CDKAL1: variants seen among roughly 807,000 people sequenced by gnomAD.
CDKAL1 encodes the protein threonylcarbamoyladenosine tRNA methylthiotransferase.
A neutral mutation model predicts 68.2 loss-of-function variants in CDKAL1; 32 were observed. The observed-to-expected ratio is 0.47, with a 90% CI of 0.35 to 0.63. The LOEUF (loss-of-function observed/expected upper bound fraction) is 0.63, where lower values mean the gene tolerates loss of function less well. CDKAL1 is among the 30% of genes least tolerant of loss of function. The probability of loss-of-function intolerance (pLI) is 0.00; values close to 1 mark genes in which losing one functional copy is unlikely to be tolerated. For missense variants in CDKAL1, 606 were observed against 696.7 expected, an observed-to-expected ratio of 0.87 and a Z score of 1.47; for synonymous variants, 234 against 244.3, an observed-to-expected ratio of 0.96 and a Z score of 0.39.
At chr6:21,004,403 C>G (rs551064106) in intron 11 of CDKAL1, among the ~76,000 whole-genome samples, 47 of 152,254 alleles carry the variant, frequency 3.1e-4, no homozygotes, top group African/African-American at 1.1e-3. Context: ...CATGTTGAGG[C>G]ATATGGGAAT....
intron 8 of CDKAL1, among the ~76,000 whole-genome samples, chr6:20,826,101 A>G (rs112901503): frequency 3.9e-4 from 60 of 152,264 alleles, no homozygotes; most frequent in African/African-American, 1.3e-3. Context: ...TAGTCCAAGT[A>G]CAGCTTTTCT....
At chr6:21,017,644 C>T (rs1768418370) in intron 11 of CDKAL1, among the ~76,000 whole-genome samples, 1 of 152,094 alleles carries the variant, frequency 6.6e-6, no homozygotes, top group Admixed American at 6.5e-5. Context: ...ATACGTATTG[C>T]CTTCCTAGCT....
chr6:21,114,609 C>T (rs183145833), intron 13 of CDKAL1, among the ~76,000 whole-genome samples: 1 of 152,052 alleles, frequency 6.6e-6, no homozygotes, highest in Admixed American at 6.5e-5. Flanking sequence ...TGGCATGTGC[C>T]TGTGTTTCCA....
At chr6:20,818,716 G>A (rs1488509554) in intron 8 of CDKAL1, among the ~76,000 whole-genome samples, 1 of 150,034 alleles carries the variant, frequency 6.7e-6, no homozygotes, top group Admixed American at 6.7e-5. Context: ...AAATATATTT[G>A]TATAACTATA....
chr6:21,045,759 T>C (rs1770189266), intron 11 of CDKAL1, among the ~76,000 whole-genome samples: 1 of 152,170 alleles, frequency 6.6e-6, no homozygotes. Flanking sequence ...TTTTTTAATA[T>C]GAGAGTAGCA....
chr6:21,089,344 G>T (rs1772873512), intron 12 of CDKAL1, among the ~76,000 whole-genome samples: 2 of 152,072 alleles, frequency 1.3e-5, no homozygotes, highest in South Asian at 4.1e-4. Flanking sequence ...AGGTGTGGTG[G>T]TGCACACCTG....
At chr6:21,011,530 G>C (rs1044507778) in intron 11 of CDKAL1, among the ~76,000 whole-genome samples, 1 of 152,198 alleles carries the variant, frequency 6.6e-6, no homozygotes, top group Non-Finnish European at 1.5e-5. Flanking sequence ...TCTGGCACTT[G>C]TTAGGTATAG....
At chr6:20,698,640 G>A (rs1018696972) in intron 5 of CDKAL1, among the ~76,000 whole-genome samples, 5 of 152,148 alleles carry the variant, frequency 3.3e-5, no homozygotes, top group African/African-American at 4.8e-5. Context: ...ACTTTTGGGG[G>A]AAGGCCACGG....
At chr6:21,032,183 G>T (rs185309983) in intron 11 of CDKAL1, among the ~76,000 whole-genome samples, 19 of 152,172 alleles carry the variant, frequency 1.2e-4, no homozygotes, top group Admixed American at 3.3e-4. Context: ...GGCTATTTTA[G>T]TTTCTCTATA....
chr6:21,019,782 A>G (rs368737250), intron 11 of CDKAL1, among the ~76,000 whole-genome samples: 2 of 152,232 alleles, frequency 1.3e-5, no homozygotes, highest in Admixed American at 1.3e-4. Flanking sequence ...TCATGCTTCA[A>G]AATGTTTCAT....
intron 15 of CDKAL1, among the ~76,000 whole-genome samples, chr6:21,222,036 T>A (rs1779555737): frequency 6.6e-6 from 1 of 152,220 alleles, no homozygotes. Flanking sequence ...TTGGTGGACG[T>A]CAAGGCAGAA....
rs141227225 is a variant in CDKAL1, at chr6:20,945,071, T to TACACACACACAC, written c.743-10334_743-10323dup. ...AACAGTGCATATGTGCACACACACG[T>TACACACACACAC]ACACACACACACACACACACACACA... is the stretch of plus-strand genomic sequence containing the variant. On this transcript the variant is annotated intron_variant, in intron 9 of 15. Transcript: ENST00000274695. Among the ~76,000 whole-genome samples, 373 of 150,382 alleles carry TACACACACACAC rather than the reference T, an allele frequency of 2.5e-3. 2 individuals carry two copies. Among genetic ancestry groups the TACACACACACAC allele is most frequent in the East Asian group, 0.015 (74 of 5,078 alleles).
rs67359030 is a variant in CDKAL1, at chr6:20,757,553, T to TAC, written c.469-1025_469-1024dup. On this transcript the variant is annotated intron_variant, in intron 6 of 15. Coordinates refer to ENST00000274695, the MANE Select transcript of CDKAL1 (RefSeq NM_017774.3). ...TGTATATCTTTTTTATATATTTATT[T>TAC]ACACACACACACACACACCCTCTAT... is the stretch of plus-strand genomic sequence containing the variant. Among the ~76,000 whole-genome samples, 391 of 150,956 alleles carry TAC rather than the reference T, an allele frequency of 2.6e-3. 10 individuals carry two copies. In the South Asian group the frequency reaches 0.05, roughly 19 times the overall value.
At chr6:21,018,561 G>T (rs893665710) in intron 11 of CDKAL1, among the ~76,000 whole-genome samples, 5 of 152,036 alleles carry the variant, frequency 3.3e-5, no homozygotes, top group African/African-American at 1.2e-4. Context: ...TTTAAGTTTG[G>T]AATAAGCTTC....
chr6:20,671,114 G>GT (rs1192936015), intron 5 of CDKAL1, among the ~76,000 whole-genome samples: 5 of 152,172 alleles, frequency 3.3e-5, no homozygotes, highest in Admixed American at 6.5e-5. Context: ...CAAAAGGGTT[G>GT]TAACACTTTA....
At chr6:20,950,590 A>G (rs1221357012) in intron 9 of CDKAL1, among the ~76,000 whole-genome samples, 2 of 152,224 alleles carry the variant, frequency 1.3e-5, no homozygotes, top group Non-Finnish European at 2.9e-5. Context: ...TAGTGGGAGA[A>G]TACAGGCTGG....
chr6:21,084,242 T>G (rs1349505079), intron 12 of CDKAL1, among the ~76,000 whole-genome samples: 3 of 152,312 alleles, frequency 2.0e-5, no homozygotes. Flanking sequence ...TTTGGGTTAT[T>G]TCTAATAGTT....
At chr6:20,962,725 CT>C (rs1561919756) in intron 10 of CDKAL1, among the ~76,000 whole-genome samples, 3 of 152,128 alleles carry the variant, frequency 2.0e-5, no homozygotes, top group African/African-American at 7.2e-5. Context: ...AATATATTCT[CT>C]ACTGTTGTAT....
At chr6:20,545,892 TATA>T (rs1211326229) in intron 2 of CDKAL1, among the ~76,000 whole-genome samples, 2 of 152,264 alleles carry the variant, frequency 1.3e-5, no homozygotes, top group African/African-American at 2.4e-5. Flanking sequence ...TCGAATGATT[TATA>T]ATAACTTCTT....
Sources: allele counts gnomAD v4.1 joint callset (sites outside exome capture counted in the v4.1 genomes callset), GRCh38; gene constraint gnomAD v4.1.1; transcripts MANE v1.5; gene names NCBI Gene and HGNC (gene_info 2026-07-23, HGNC 2026-07-21).